Variants in DHX57 observed in about 807,000 individuals in gnomAD.
The protein encoded by DHX57 is putative ATP-dependent RNA helicase DHX57.
Under a neutral mutation model 156.2 loss-of-function variants are expected in DHX57, and 105 were observed. The ratio of observed to expected loss-of-function variants is 0.67; its 90% CI spans 0.57 to 0.79. The LOEUF is 0.79. DHX57 is among the 30% of genes least tolerant of loss of function. The pLI is 0.00. For synonymous variants in DHX57, 704 were observed against 595.6 expected (o/e 1.18, Z -2.65); for missense variants, 1,847 against 1,661.9 (o/e 1.11, Z -1.94).
chr2:38,816,877 G>A lies in DHX57; in HGVS notation c.3472-1222C>T, dbSNP rs542317422. On this transcript the variant is annotated intron_variant, in intron 19 of 23. Coordinates refer to ENST00000457308, the MANE Select transcript of DHX57 (RefSeq NM_198963.3). ...AACTCTTGTTTGATGGACCTCATAA[G>A]TCACAGCAAAATCTACACATATCCT... 4.0e-5 allele frequency among the ~76,000 whole-genome samples: 6 copies of A among 151,664 alleles called. No individual in the cohort carries two copies. In the South Asian group the frequency reaches 6.3e-4, roughly 16 times the overall value.
chr2:38,810,558 C>T (rs1180901381), intron 21 of DHX57: 2 of 576,916 alleles, frequency 3.5e-6, no homozygotes, highest in Admixed American at 2.0e-5. Flanking sequence ...TGCTCACCTG[C>T]TCTCCACTGT....
intron 23 of DHX57, among the ~76,000 whole-genome samples, chr2:38,799,101 C>G (rs1185917707): frequency 1.3e-5 from 2 of 152,136 alleles, no homozygotes; most frequent in African/African-American, 4.8e-5. Context: ...CGGTGGCTCA[C>G]GCCTGTAATC....
chr2:38,816,216 A>G (rs1163348588), intron 19 of DHX57: 5 of 469,476 alleles, frequency 1.1e-5, no homozygotes, highest in Admixed American at 2.4e-5. Context: ...AAGTGATTCA[A>G]TATTTTTTTT....
rs559506192 is a variant in DHX57 at position 38,823,700 on chromosome 2, A to G, written c.3015-431T>C. On this transcript the variant is annotated intron_variant, in intron 16 of 23. Transcript: ENST00000457308. Reference sequence around the variant, plus strand: ...CAACCCCACTTCTAAGTATACATCCAAAAGAATTGAAGTCAGAATCTTGCA... The same window carrying G: ...CAACCCCACTTCTAAGTATACATCCGAAAGAATTGAAGTCAGAATCTTGCA... Among the ~76,000 whole-genome samples, 167 of 152,260 alleles carry G rather than the reference A, an allele frequency of 1.1e-3. 1 individual carries two copies. The highest frequency in any genetic ancestry group is 3.7e-3 in the African/African-American group (154 of 41,568).
chr2:38,826,085 T>C (rs1671073476), intron 15 of DHX57, 38 bp from the exon 16 acceptor site: 1 of 1,592,206 alleles, frequency 6.3e-7, no homozygotes, highest in Non-Finnish European at 8.6e-7. Flanking sequence ...AGTCATTTTA[T>C]AAAAACATGG....
At position 38,825,597 on chromosome 2, in the gene DHX57, C is replaced by G. The variant is rs147156747; in HGVS notation, c.3014+250G>C. 3.1e-3 allele frequency among the ~76,000 whole-genome samples: 468 copies of G among 152,222 alleles called. 1 individual carries two copies. Among genetic ancestry groups the G allele is most frequent in the African/African-American group, 0.011 (455 of 41,546 alleles). On this transcript the variant is annotated intron_variant, in intron 16 of 23. Coordinates refer to ENST00000457308, the MANE Select transcript of DHX57 (RefSeq NM_198963.3). ...GGATTATAAGCATGAGCCTCCATGC[C>G]CGGCCCTACATATGTACTCTTAAGC...
intron 21 of DHX57, among the ~76,000 whole-genome samples, chr2:38,813,432 G>A (rs1463365785): frequency 7.3e-5 from 11 of 151,244 alleles, no homozygotes; most frequent in African/African-American, 2.4e-4. Context: ...GTGCAGTGGC[G>A]CAATCTCGGC....
chr2:38,848,313 A>G lies in DHX57; in HGVS notation c.2120T>C (p.Leu707Pro). 6.2e-7 allele frequency: 1 copy of G among 1,610,514 alleles called. No individual in the cohort carries two copies. Among genetic ancestry groups the G allele is most frequent in the Non-Finnish European group, 8.5e-7 (1 of 1,178,558 alleles). The change falls in exon 10 of 24, where the codon CTT becomes CCT. Residue 707 changes from leucine (L) to proline (P), a missense_variant. Coordinates refer to ENST00000457308, the MANE Select transcript of DHX57 (RefSeq NM_198963.3). ...GCAGGAATTAAAATAGTCTGAAAAA[A>G]GCTCAGCGTTTAGAGTTGCACTCAT... Reference protein sequence around the residue: ...ILMSATLNAELFSDYFNSCPV... With the variant: ...ILMSATLNAEPFSDYFNSCPV...
intron 2 of DHX57, among the ~76,000 whole-genome samples, chr2:38,867,852 CTGTCCA>C (rs1277706384): frequency 2.6e-5 from 4 of 152,198 alleles, no homozygotes; most frequent in Non-Finnish European, 5.9e-5. Context: ...GCCACCGTAC[CTGTCCA>C]TGTTCAATGT....
At chr2:38,861,984 G>GC (rs1307773950) in intron 4 of DHX57, 147 bp from the exon 5 acceptor site, 2 of 1,219,184 alleles carry the variant, frequency 1.6e-6, no homozygotes, top group African/African-American at 1.5e-5. Flanking sequence ...ATAACAATAA[G>GC]CCCCCCTGAA....
At position 38,870,723 on chromosome 2, in the gene DHX57, CA is replaced by C. The variant is rs556847325; in HGVS notation, c.-6-2313del. ...TGAAACCCTGTCTCTACTAAAAATA[CA>C]AAAAATTAGCTGGGTGTGGTGGCAC... On this transcript the variant is annotated intron_variant, in intron 1 of 23. Transcript: ENST00000457308. Among the ~76,000 whole-genome samples the C allele has an allele frequency of 7.5e-3, 1,137 of 151,844 alleles. 11 individuals carry two copies. The highest frequency in any genetic ancestry group is 0.026 in the African/African-American group (1,082 of 41,424).
intron 13 of DHX57, among the ~76,000 whole-genome samples, chr2:38,830,016 T>C (rs1671296949): frequency 6.6e-6 from 1 of 152,230 alleles, no homozygotes; most frequent in Admixed American, 6.5e-5. Flanking sequence ...CACCTTCTTT[T>C]GTGCTTTATT....
At chr2:38,805,415 A>G (rs1669891988) in intron 22 of DHX57, among the ~76,000 whole-genome samples, 1 of 152,214 alleles carries the variant, frequency 6.6e-6, no homozygotes, top group Non-Finnish European at 1.5e-5. Flanking sequence ...TAAGCAAGGA[A>G]TTGACATAGT....
In DHX57 at chr2:38,843,146, T is replaced by C; in HGVS notation, c.2284A>G (p.Lys762Glu). ...SMKQISKEKL[K>E]ARRNRTAFEE... Reference sequence around the variant, plus strand: ...AATGCAGTTCTGTTCCGCCTTGCTTTAAGCTTTTCCTTTGAAATCTGTTTC... The same window carrying C: ...AATGCAGTTCTGTTCCGCCTTGCTTCAAGCTTTTCCTTTGAAATCTGTTTC... Residue 762 changes from lysine to glutamate, a missense_variant, in exon 12 of 24, where the codon AAA (lysine) becomes GAA (glutamate). Transcript: ENST00000457308. The C allele has an allele frequency of 6.2e-7, 1 of 1,614,214 alleles. No individual in the cohort carries two copies. The highest frequency in any genetic ancestry group is 8.5e-7 in the Non-Finnish European group (1 of 1,180,036).
At chr2:38,853,702 C>A (rs1194154088) in intron 9 of DHX57, 1 of 159,666 alleles carries the variant, frequency 6.3e-6, no homozygotes, top group African/African-American at 2.4e-5. Flanking sequence ...AATGTCAGGA[C>A]TGAATGGCCA....
chr2:38,838,315 G>A (rs936233985), intron 12 of DHX57, among the ~76,000 whole-genome samples: 1 of 152,098 alleles, frequency 6.6e-6, no homozygotes, highest in East Asian at 1.9e-4. Flanking sequence ...TGCCCAGGCT[G>A]GTCTCGAACT....
intron 19 of DHX57, among the ~76,000 whole-genome samples, chr2:38,818,250 G>A (rs780092074): frequency 1.3e-5 from 2 of 151,968 alleles, no homozygotes; most frequent in Non-Finnish European, 1.5e-5. Context: ...GGTGTAGCCC[G>A]GTGTGGTGTC....
chr2:38,827,535 CA>C (rs1671161947), intron 14 of DHX57, among the ~76,000 whole-genome samples: 8 of 49,656 alleles, frequency 1.6e-4, no homozygotes, highest in Non-Finnish European at 2.6e-4. Flanking sequence ...TATATATATA[CA>C]CACATACATA....
chr2:38,874,666 C>T (rs1362798360), intron 1 of DHX57, among the ~76,000 whole-genome samples: 1 of 152,142 alleles, frequency 6.6e-6, no homozygotes, highest in Non-Finnish European at 1.5e-5. Context: ...GCCTCGGCCT[C>T]CCACAGTGCT....
Sources: allele counts gnomAD v4.1 joint callset (sites outside exome capture counted in the v4.1 genomes callset), GRCh38; gene constraint gnomAD v4.1.1; transcripts MANE v1.5; gene names NCBI Gene and HGNC (gene_info 2026-07-23, HGNC 2026-07-21).